Variants in TMTC2 observed in about 807,000 individuals in gnomAD.
TMTC2 encodes the protein protein O-mannosyl-transferase TMTC2.
Under a neutral mutation model 82.4 loss-of-function variants are expected in TMTC2, and 43 were observed. That is an observed-to-expected ratio of 0.52 (90% CI 0.41 to 0.67). The LOEUF is 0.67. Ranked by LOEUF, TMTC2 falls within the 30% of genes least tolerant of loss-of-function variation. The pLI, the probability that TMTC2 is intolerant of heterozygous loss-of-function variation, is 0.00. For missense variants in TMTC2, 919 were observed against 1,012.4 expected, an observed-to-expected ratio of 0.91 and a Z score of 1.25; for synonymous variants, 408 against 381.9, an observed-to-expected ratio of 1.07 and a Z score of -0.80.
At chr12:83,110,200 G>A (rs759687849) in intron 11 of TMTC2, among the ~76,000 whole-genome samples, 4 of 151,948 alleles carry the variant, frequency 2.6e-5, no homozygotes, top group Middle Eastern at 3.4e-3. Context: ...TAAATTATTC[G>A]TGCTTCCAAT....
At chr12:82,933,395 AAG>A (rs1156912420) in intron 4 of TMTC2, among the ~76,000 whole-genome samples, 1 of 152,182 alleles carries the variant, frequency 6.6e-6, no homozygotes, top group Non-Finnish European at 1.5e-5. Flanking sequence ...AGGTAGAAAA[AAG>A]AAAAGTTTTC....
At chr12:82,973,622 G>C (rs1191653376) in intron 7 of TMTC2, among the ~76,000 whole-genome samples, 2 of 152,102 alleles carry the variant, frequency 1.3e-5, no homozygotes, top group African/African-American at 4.8e-5. Flanking sequence ...TCTACATTAT[G>C]TACTATGGTT....
chr12:82,843,354 T>G lies in TMTC2; in HGVS notation c.84-13656T>G, dbSNP rs181300819. The stretch of plus-strand genomic sequence containing the variant: ...TGCCTGCCCTGACCTCCCAAAGTGC[T>G]GGGATTACAGGCGTGAGCCACCATG... On this transcript the variant is annotated intron_variant, in intron 1 of 11. Coordinates refer to ENST00000321196, the MANE Select transcript of TMTC2 (RefSeq NM_152588.3). Among the ~76,000 whole-genome samples the G allele has an allele frequency of 4.3e-3, 647 of 152,152 alleles. 1 individual carries two copies. Among genetic ancestry groups the G allele is most frequent in the Admixed American group, 7.5e-3 (115 of 15,290 alleles).
chr12:83,010,635 C>T (rs1235723839), intron 8 of TMTC2, among the ~76,000 whole-genome samples: 1 of 152,160 alleles, frequency 6.6e-6, no homozygotes, highest in Non-Finnish European at 1.5e-5. Flanking sequence ...CAGTAATTGG[C>T]TTGCTGTGCA....
chr12:82,791,809 A>G (rs902761449), intron 1 of TMTC2, among the ~76,000 whole-genome samples: 2 of 152,124 alleles, frequency 1.3e-5, no homozygotes, highest in Admixed American at 6.5e-5. Context: ...TTTGAGAACT[A>G]CTGCTGTAGG....
chr12:82,689,363 C>T (rs1215866498), intron 1 of TMTC2, among the ~76,000 whole-genome samples: 1 of 150,828 alleles, frequency 6.6e-6, no homozygotes, highest in Non-Finnish European at 1.5e-5. Flanking sequence ...CTAAAACCAC[C>T]TTGGGTCAGT....
Position 82,857,077 on chromosome 12 carries a change from T to A in TMTC2, c.151T>A (p.Phe51Ile), listed in dbSNP as rs1257410677. The A allele has an allele frequency of 6.2e-7, 1 of 1,613,738 alleles. No individual in the cohort carries two copies. ...TPWTHIFYND[F>I]WGTLLTHSGS... ...ATGGACGCACATTTTCTACAATGAT[T>A]TTTGGGGGACTCTTCTAACCCACAG... Residue 51 changes from phenylalanine to isoleucine, a missense_variant, in exon 2 of 12, where the codon TTT (phenylalanine) becomes ATT (isoleucine). By Grantham distance (21) the Phe-to-Ile change is conservative. Coordinates refer to ENST00000321196, the MANE Select transcript of TMTC2 (RefSeq NM_152588.3).
At chr12:83,061,585 T>G (rs1172718057) in intron 10 of TMTC2, among the ~76,000 whole-genome samples, 183 bp from the exon 11 acceptor site, 1 of 151,786 alleles carries the variant, frequency 6.6e-6, no homozygotes, top group Non-Finnish European at 1.5e-5. Flanking sequence ...CTATTTATAA[T>G]GCCTTAAATA....
At chr12:83,022,630 T>A (rs17010499) in intron 8 of TMTC2, among the ~76,000 whole-genome samples, 4 of 151,602 alleles carry the variant, frequency 2.6e-5, no homozygotes, top group Non-Finnish European at 5.9e-5. Flanking sequence ...ATGTACTGTG[T>A]TCTTGAGGTA....
chr12:82,922,027 A>G (rs935211813), intron 3 of TMTC2, among the ~76,000 whole-genome samples: 1 of 152,026 alleles, frequency 6.6e-6, no homozygotes, highest in African/African-American at 2.4e-5. Context: ...GGATTGCTTA[A>G]GCCCAAGAGG....
At chr12:83,102,564 CTG>C (rs1017279744) in intron 11 of TMTC2, among the ~76,000 whole-genome samples, 3 of 152,106 alleles carry the variant, frequency 2.0e-5, no homozygotes, top group African/African-American at 4.8e-5. Context: ...AAAAAATAAA[CTG>C]TGGTTTGATA....
At chr12:83,073,010 C>T (rs1320441027) in intron 11 of TMTC2, among the ~76,000 whole-genome samples, 1 of 148,762 alleles carries the variant, frequency 6.7e-6, no homozygotes, top group Non-Finnish European at 1.5e-5. Context: ...TGTGAGGTAC[C>T]ATTGCATTCA....
chr12:82,758,173 C>A (rs757922287), intron 1 of TMTC2, among the ~76,000 whole-genome samples: 1 of 152,088 alleles, frequency 6.6e-6, no homozygotes, highest in Non-Finnish European at 1.5e-5. Flanking sequence ...CTATGAAAAT[C>A]TGGAATTCTG....
At chr12:82,924,714 A>T (rs998368266) in intron 3 of TMTC2, among the ~76,000 whole-genome samples, 2 of 152,154 alleles carry the variant, frequency 1.3e-5, no homozygotes, top group Non-Finnish European at 2.9e-5. Context: ...GTTGGAAACC[A>T]CTGTAATTTT....
At chr12:82,698,099 G>A (rs1162063901) in intron 1 of TMTC2, among the ~76,000 whole-genome samples, 1 of 152,132 alleles carries the variant, frequency 6.6e-6, no homozygotes, top group Non-Finnish European at 1.5e-5. Context: ...TAGCTTTAAG[G>A]CACCTTGGGG....
At chr12:82,894,708 G>GA (rs1259995756) in intron 2 of TMTC2, among the ~76,000 whole-genome samples, 4 of 152,120 alleles carry the variant, frequency 2.6e-5, no homozygotes, top group Admixed American at 6.6e-5. Flanking sequence ...GACTTTGCCA[G>GA]AAAATTAGCC....
intron 4 of TMTC2, among the ~76,000 whole-genome samples, chr12:82,933,988 T>C (rs1876180142): frequency 6.6e-6 from 1 of 152,152 alleles, no homozygotes; most frequent in Non-Finnish European, 1.5e-5. Context: ...GTTTGTAAAA[T>C]GATGGGATAA....
intron 7 of TMTC2, among the ~76,000 whole-genome samples, chr12:82,973,447 T>G (rs775917398): frequency 6.6e-6 from 1 of 152,154 alleles, no homozygotes; most frequent in African/African-American, 2.4e-5. Flanking sequence ...TTGAAGATTA[T>G]GTAGTCAATA....
chr12:83,095,784 T>C (rs1156939764), intron 11 of TMTC2, among the ~76,000 whole-genome samples: 1 of 152,176 alleles, frequency 6.6e-6, no homozygotes, highest in Non-Finnish European at 1.5e-5. Flanking sequence ...TATTATAAAG[T>C]AGTTGGCCCT....
Sources: gnomAD v4.1 joint callset for allele counts (sites outside exome capture counted in the v4.1 genomes callset) on GRCh38, gnomAD v4.1.1 for gene constraint, MANE v1.5 for transcripts, NCBI Gene and HGNC (gene_info 2026-07-23, HGNC 2026-07-21) for gene names.